Variants in OXNAD1 observed in about 807,000 individuals in gnomAD.
The protein encoded by OXNAD1 is oxidoreductase NAD binding domain containing 1, also known as oxidoreductase NAD-binding domain-containing protein 1.
In OXNAD1, 34 loss-of-function variants were observed where a neutral mutation model predicts 32.9. That is an observed-to-expected ratio of 1.03 (90% CI 0.79 to 1.38). The LOEUF (loss-of-function observed/expected upper bound fraction) is 1.38, where lower values mean the gene tolerates loss of function less well. Among genes scored for constraint, OXNAD1 ranks in the 40% most tolerant of loss-of-function variants. OXNAD1 has a pLI of 0.00. For synonymous variants in OXNAD1, 134 were observed against 135.2 expected (o/e 0.99, Z 0.06); for missense variants, 407 against 379.4 (o/e 1.07, Z -0.60).
chr3:16,272,090 C>CTT (rs763494963), intron 4 of OXNAD1: 418 of 373,260 alleles, frequency 1.1e-3, no homozygotes, highest in Middle Eastern at 2.0e-3. Context: ...TGTGTGGGGT[C>CTT]TTTTTTTTTT....
At chr3:16,278,117 T>C (rs1327484033) in intron 4 of OXNAD1, among the ~76,000 whole-genome samples, 1 of 152,034 alleles carries the variant, frequency 6.6e-6, no homozygotes, top group Admixed American at 6.5e-5. Flanking sequence ...TACTAATTCA[T>C]ATGCATTCAT....
At chr3:16,266,404 G>C (rs1047586951) in intron 1 of OXNAD1, among the ~76,000 whole-genome samples, 4 of 151,986 alleles carry the variant, frequency 2.6e-5, no homozygotes, top group Admixed American at 2.6e-4. Flanking sequence ...AGGAATACGA[G>C]ACCAGCCTGA....
At chr3:16,332,932 C>T (rs1163742110) in intron 9 of OXNAD1, among the ~76,000 whole-genome samples, 1 of 152,106 alleles carries the variant, frequency 6.6e-6, no homozygotes, top group Non-Finnish European at 1.5e-5. Context: ...ACTATTGAAC[C>T]ATTGCCCATA....
intron 9 of OXNAD1, chr3:16,315,017 A>C (rs2068241999): frequency 1.3e-5 from 2 of 152,214 alleles, no homozygotes. Flanking sequence ...TTAAGCTCTG[A>C]GGGTTGGGTG....
intron 5 of OXNAD1, among the ~76,000 whole-genome samples, chr3:16,291,126 T>C (rs185794624): frequency 2.0e-4 from 30 of 152,300 alleles, no homozygotes; most frequent in African/African-American, 7.0e-4. Context: ...AGGATGTGGT[T>C]AGAAGAAAAG....
Position 16,294,972 on chromosome 3 carries a change from C to G in OXNAD1, c.407C>G (p.Pro136Arg), listed in dbSNP as rs2066674387. Reference protein sequence around the residue: ...IELAVKYTNHPPALWVHNTCT... With the variant: ...IELAVKYTNHRPALWVHNTCT... ...TTGGCAGTGAAATATACGAACCACC[C>G]TCCTGCCCTCTGGGTTCACAATACG... is the stretch of plus-strand genomic sequence containing the variant. The change falls in exon 6 of 9, where the codon CCT becomes CGT. Residue 136 changes from proline (P) to arginine (R), a missense_variant. Coordinates refer to ENST00000285083, the MANE Select transcript of OXNAD1 (RefSeq NM_138381.5). 6.2e-7 allele frequency: 1 copy of G among 1,612,750 alleles called. No individual in the cohort carries two copies.
In OXNAD1 at chr3:16,303,798, C is replaced by T. The variant is rs1362900961; in HGVS notation, c.*236C>T. ...TATACTGATTTTCTGTTATTAACAACGATTTAATTGTCTCATGATGTACCA... is the reference window on the plus strand; with the variant it reads ...TATACTGATTTTCTGTTATTAACAATGATTTAATTGTCTCATGATGTACCA... On this transcript the variant is annotated 3_prime_UTR_variant, in exon 9 of 9. Coordinates refer to ENST00000285083, the MANE Select transcript of OXNAD1 (RefSeq NM_138381.5). The surrounding 1 kb of genome is among the most constrained non-coding windows in gnomAD (Gnocchi z 4.8). The T allele has an allele frequency of 4.8e-5, 17 of 350,974 alleles. No individual in the cohort carries two copies. Among genetic ancestry groups the T allele is most frequent in the Non-Finnish European group, 6.2e-5 (12 of 194,286 alleles). The allele number at this position is 350,974 out of a possible 1,614,324, so 21.7% of individuals were successfully genotyped here. A position where few individuals can be genotyped will look rare whatever the true frequency, so the allele number is the denominator to read the frequency against.
At position 16,346,326 on chromosome 3, in the gene OXNAD1, CT is replaced by C. The variant is rs2071716780; in HGVS notation, c.*31-2848del. Reference sequence around the variant, plus strand: ...TGGATAAATTTTTAAAAAGATATAACTTACTTGTATCACTAAATTTTGTATA... The same window carrying C: ...TGGATAAATTTTTAAAAAGATATAACTACTTGTATCACTAAATTTTGTATA... On this transcript the variant is annotated intron_variant, in intron 9 of 9. Coordinates refer to the OXNAD1 transcript ENST00000606098. The surrounding 1 kb of genome is among the most constrained non-coding windows in gnomAD (Gnocchi z 4.4). 1 of 152,148 alleles carries C rather than the reference CT, an allele frequency of 6.6e-6. No individual in the cohort carries two copies. Among genetic ancestry groups the C allele is most frequent in the African/African-American group, 2.4e-5 (1 of 41,424 alleles). The allele number at this position is 152,148 out of a possible 1,614,324, so 9.4% of individuals were successfully genotyped here.
At chr3:16,279,677 T>C (rs1469734807) in intron 4 of OXNAD1, among the ~76,000 whole-genome samples, 1 of 151,802 alleles carries the variant, frequency 6.6e-6, no homozygotes, top group East Asian at 1.9e-4. Flanking sequence ...AGAGTGTTCT[T>C]GGAGCCAGGG....
At position 16,265,234 on chromosome 3, in the gene OXNAD1, A is replaced by T. The variant is rs1046722089; in HGVS notation, c.-430A>T. The T allele has an allele frequency of 7.7e-6, 2 of 258,366 alleles. No individual in the cohort carries two copies. Among genetic ancestry groups the T allele is most frequent in the East Asian group, 1.8e-4 (2 of 11,002 alleles). The allele number at this position is 258,366 out of a possible 1,614,324, so 16.0% of individuals were successfully genotyped here. A position where few individuals can be genotyped will look rare whatever the true frequency, so the allele number is the denominator to read the frequency against. ...GGAGTATTCCAGGCGCCTGCAACTA[A>T]ACGTGGCCGGGTCTGCAAGCTAGGT... On this transcript the variant is annotated 5_prime_UTR_variant, in exon 1 of 9. Coordinates refer to ENST00000285083, the MANE Select transcript of OXNAD1 (RefSeq NM_138381.5). The surrounding 1 kb of genome is among the most constrained non-coding windows in gnomAD (Gnocchi z 4.8).
At chr3:16,266,171 C>T (rs2064483902) in intron 1 of OXNAD1, among the ~76,000 whole-genome samples, 2 of 152,126 alleles carry the variant, frequency 1.3e-5, no homozygotes, top group South Asian at 4.1e-4. Context: ...ATTTCCTCTT[C>T]TAAGAAAGGA....
chr3:16,344,013 G>T lies in OXNAD1; in HGVS notation c.*31-5163G>T, dbSNP rs1047619322. On this transcript the variant is annotated intron_variant, in intron 9 of 9. Coordinates refer to the OXNAD1 transcript ENST00000606098. This position sits in a 1 kb window ranked among gnomAD's most constrained non-coding sequence, Gnocchi z 4.4. ...TCAGCAGAGAGTGAGCAACCAGAAA[G>T]AAACATGGGCTGTGATCTGGAAATG... Among the ~76,000 whole-genome samples the T allele has an allele frequency of 1.3e-5, 2 of 152,186 alleles. No individual in the cohort carries two copies. The highest frequency in any genetic ancestry group is 4.8e-5 in the African/African-American group (2 of 41,432).
chr3:16,345,469 T>C lies in OXNAD1; in HGVS notation c.*31-3707T>C, dbSNP rs1392628433. The stretch of plus-strand genomic sequence containing the variant: ...TTTCTGGAAAAGATTAGCATTTGAA[T>C]GGGTCAACTGAGTAGACCAGATGGC... On this transcript the variant is annotated intron_variant, in intron 9 of 9. Transcript: ENST00000606098. The surrounding 1 kb of genome is among the most constrained non-coding windows in gnomAD (Gnocchi z 5.2). Among the ~76,000 whole-genome samples, 1 of 152,188 alleles carries C rather than the reference T, an allele frequency of 6.6e-6. No individual in the cohort carries two copies. Among genetic ancestry groups the C allele is most frequent in the Non-Finnish European group, 1.5e-5 (1 of 68,036 alleles).
In OXNAD1 at chr3:16,323,585, C is replaced by T. The variant is rs940319142; in HGVS notation, c.*31-13527C>T. On this transcript the variant is annotated intron_variant, in intron 9 of 9. Coordinates refer to the OXNAD1 transcript ENST00000435829. ...CAGGATTATGACAGGTTAGAAGAGA[C>T]GCCTGCTCTACTCTTCCGCTCCCAG... The T allele has an allele frequency of 1.2e-4, 73 of 627,212 alleles. No homozygotes were observed. In the African/African-American group the frequency reaches 1.2e-3, roughly 10 times the overall value. 38.9% of individuals were successfully genotyped at this position (627,212 alleles called of 1,614,324 possible). A position where few individuals can be genotyped will look rare whatever the true frequency, so the allele number is the denominator to read the frequency against.
chr3:16,333,720 A>C (rs1039082262), intron 9 of OXNAD1, among the ~76,000 whole-genome samples: 4 of 152,210 alleles, frequency 2.6e-5, no homozygotes, highest in African/African-American at 9.6e-5. Flanking sequence ...TGCAGCTCAT[A>C]TTACAGAAAA....
Position 16,302,713 on chromosome 3 carries a change from C to G in OXNAD1, c.749C>G (p.Thr250Arg), listed in dbSNP as rs768841107. ...ACSLHVTKQT[T>R]QINAELKPYI... ...AGTTTGCATGTTACAAAACAGACTA[C>G]ACAAATCAATGCGGAACTCAAGCCA... is the stretch of plus-strand genomic sequence containing the variant. Residue 250 changes from threonine to arginine, a missense_variant, in exon 8 of 9, where the codon ACA (threonine) becomes AGA (arginine). Transcript: ENST00000285083. The surrounding 1 kb of genome is among the most constrained non-coding windows in gnomAD (Gnocchi z 4.2). The G allele has an allele frequency of 6.2e-7, 1 of 1,613,316 alleles. No homozygotes were observed.
At chr3:16,285,063 C>A (rs766984627) in intron 4 of OXNAD1, among the ~76,000 whole-genome samples, 9 of 152,040 alleles carry the variant, frequency 5.9e-5, no homozygotes, top group Non-Finnish European at 1.3e-4. Flanking sequence ...TGGAAAATTA[C>A]CCCAGTTGAT....
chr3:16,342,087 A>G (rs1363342537), downstream of OXNAD1, among the ~76,000 whole-genome samples: 1 of 152,216 alleles, frequency 6.6e-6, no homozygotes, highest in East Asian at 1.9e-4. This position sits in a 1 kb window ranked among gnomAD's most constrained non-coding sequence, Gnocchi z 4.0. Flanking sequence ...AAAGCAAACA[A>G]TTCAGTGGTT....
rs1443200872 is a variant in OXNAD1 at position 16,305,866 on chromosome 3, G to T, written c.*2304G>T. On this transcript the variant is annotated 3_prime_UTR_variant, in exon 9 of 9. Transcript: ENST00000285083. The surrounding 1 kb of genome is among the most constrained non-coding windows in gnomAD (Gnocchi z 4.5). ...GATCATACATGTAAAGTGCTTGGCA[G>T]AGCACTGCATGAGTGTGTTGTCGTT... is the stretch of plus-strand genomic sequence containing the variant. 1 of 152,252 alleles carries T rather than the reference G, an allele frequency of 6.6e-6. No individual in the cohort carries two copies. Among genetic ancestry groups the T allele is most frequent in the African/African-American group, 2.4e-5 (1 of 41,460 alleles). The allele number at this position is 152,252 out of a possible 1,614,324, so 9.4% of individuals were successfully genotyped here.
Sources: allele counts gnomAD v4.1 joint callset (sites outside exome capture counted in the v4.1 genomes callset), GRCh38; gene constraint gnomAD v4.1.1; non-coding constraint Gnocchi (gnomAD v3.1); transcripts MANE v1.5; gene names NCBI Gene and HGNC (gene_info 2026-07-23, HGNC 2026-07-21).